MIGA2: variants seen among roughly 807,000 people sequenced by gnomAD.
MIGA2 encodes the protein mitoguardin 2, also known as family with sequence similarity 73, member B.
MIGA2 carries 36 observed loss-of-function variants against 69.9 expected under a neutral mutation model. The ratio of observed to expected loss-of-function variants is 0.52; its 90% confidence interval spans 0.39 to 0.68. The LOEUF is 0.68. Among genes scored for constraint, MIGA2 ranks in the 30% least tolerant of loss-of-function variants. The pLI, the probability that MIGA2 is intolerant of heterozygous loss-of-function variation, is 0.00. For synonymous variants in MIGA2, 333 were observed against 349.2 expected, an observed-to-expected ratio of 0.95 and a Z score of 0.52; for missense variants, 660 against 787.7, an observed-to-expected ratio of 0.84 and a Z score of 1.94.
intron 6 of MIGA2, among the ~76,000 whole-genome samples, chr9:129,056,615 T>C (rs1588396074): frequency 6.7e-6 from 1 of 150,260 alleles, no homozygotes; most frequent in Non-Finnish European, 1.5e-5. Context: ...ACTTCCTGGG[T>C]TCAAGCGATT....
intron 6 of MIGA2, chr9:129,051,280 ATTTATTTT>A (rs1845520220): frequency 1.7e-5 from 3 of 174,720 alleles, no homozygotes; most frequent in African/African-American, 8.1e-5. Flanking sequence ...TTATTTATTT[ATTTATTTT>A]TTTTTTTGGA....
At position 129,069,271 on chromosome 9, in the gene MIGA2, T is replaced by G. The variant is rs748751812; in HGVS notation, c.1458+142T>G. ...GGCCCCCTTGTTCCGCCGTTACCTC[T>G]CCCTGTGCCAGGAGCTCCCTGGAGG... On this transcript the variant is annotated intron_variant, in intron 14 of 15. Coordinates refer to ENST00000684074, the MANE Select transcript of MIGA2 (RefSeq NM_001329990.2). The surrounding 1 kb of genome is among the most constrained non-coding windows in gnomAD (Gnocchi z 4.9). The G allele has an allele frequency of 1.9e-6, 2 of 1,054,448 alleles. No homozygotes were observed. The highest frequency in any genetic ancestry group is 2.9e-6 in the Non-Finnish European group (2 of 699,932). The allele number at this position is 1,054,448 out of a possible 1,614,324, so 65.3% of individuals were successfully genotyped here. A position where few individuals can be genotyped will look rare whatever the true frequency, so the allele number is the denominator to read the frequency against.
chr9:129,061,854 A>G lies in MIGA2; in HGVS notation c.1010+508A>G, dbSNP rs1445202523. Among the ~76,000 whole-genome samples, 1 of 152,202 alleles carries G rather than the reference A, an allele frequency of 6.6e-6. No homozygotes were observed. The highest frequency in any genetic ancestry group is 1.5e-5 in the Non-Finnish European group (1 of 68,034). Reference sequence around the variant, plus strand: ...AGGTACCCAGGCTGTGGGGACAGACAGGCCCAGACTCCAAGTTCTGCCACC... The same window carrying G: ...AGGTACCCAGGCTGTGGGGACAGACGGGCCCAGACTCCAAGTTCTGCCACC... On this transcript the variant is annotated intron_variant, in intron 9 of 15. Coordinates refer to ENST00000684074, the MANE Select transcript of MIGA2 (RefSeq NM_001329990.2). The surrounding 1 kb of genome is among the most constrained non-coding windows in gnomAD (Gnocchi z 5.0).
chr9:129,046,055 A>G (rs975571737), intron 3 of MIGA2, among the ~76,000 whole-genome samples: 1 of 152,016 alleles, frequency 6.6e-6, no homozygotes, highest in East Asian at 1.9e-4. Context: ...GGGTTTCACC[A>G]TATTGGCCAG....
intron 3 of MIGA2, among the ~76,000 whole-genome samples, chr9:129,044,657 A>G (rs2131346829): frequency 6.6e-6 from 1 of 151,896 alleles, no homozygotes; most frequent in Non-Finnish European, 1.5e-5. Flanking sequence ...GGTTTAAGCG[A>G]TTCTCCTGCC....
In MIGA2 at chr9:129,059,339, C is replaced by T. The variant is rs555832797; in HGVS notation, c.793+68C>T. 1.3e-5 allele frequency: 17 copies of T among 1,284,624 alleles called. No homozygotes were observed. The highest frequency in any genetic ancestry group is 1.0e-4 in the African/African-American group (7 of 67,890). 79.6% of individuals were successfully genotyped at this position (1,284,624 alleles called of 1,614,324 possible). ...CAGGGATGGAGGTGAGGAGAAGTTG[C>T]GAGAACCGGGTCGTGGTTCTCTCAG... On this transcript the variant is annotated intron_variant, in intron 7 of 15. Transcript: ENST00000684074. This position sits in a 1 kb window ranked among gnomAD's most constrained non-coding sequence, Gnocchi z 5.6.
chr9:129,052,072 C>T (rs1003602405), intron 6 of MIGA2, among the ~76,000 whole-genome samples: 12 of 152,076 alleles, frequency 7.9e-5, no homozygotes, highest in South Asian at 2.1e-4. Context: ...GTGATCCGCC[C>T]GCCTCGGCCT....
rs1223004531 is a variant in MIGA2, at chr9:129,059,488, G to A, written c.793+217G>A. ...CAGGCTGGAGCAGAGCTGAGGTGAGGCCCAGAATCCCCAGCAAGTGCACCT... is the reference window on the plus strand; with the variant it reads ...CAGGCTGGAGCAGAGCTGAGGTGAGACCCAGAATCCCCAGCAAGTGCACCT... On this transcript the variant is annotated intron_variant, in intron 7 of 15. Transcript: ENST00000684074. This position sits in a 1 kb window ranked among gnomAD's most constrained non-coding sequence, Gnocchi z 5.6. 6.6e-6 allele frequency among the ~76,000 whole-genome samples: 1 copy of A among 152,178 alleles called. No homozygotes were observed. Among genetic ancestry groups the A allele is most frequent in the Non-Finnish European group, 1.5e-5 (1 of 68,028 alleles).
intron 6 of MIGA2, among the ~76,000 whole-genome samples, chr9:129,055,559 T>C (rs1363104776): frequency 2.0e-5 from 3 of 152,114 alleles, no homozygotes; most frequent in Non-Finnish European, 4.4e-5. Flanking sequence ...TTGAAAAATA[T>C]CTGGCCAGGG....
In MIGA2 at chr9:129,061,668, C is replaced by G. The variant is rs1846074773; in HGVS notation, c.1010+322C>G. ...CACTGAAAAAAAAATTGGAATGATACAGAGAAGATGAACGTGGTCCCGGCA... is the reference window on the plus strand; with the variant it reads ...CACTGAAAAAAAAATTGGAATGATAGAGAGAAGATGAACGTGGTCCCGGCA... On this transcript the variant is annotated intron_variant, in intron 9 of 15. Transcript: ENST00000684074. This position sits in a 1 kb window ranked among gnomAD's most constrained non-coding sequence, Gnocchi z 5.0. Among the ~76,000 whole-genome samples the G allele has an allele frequency of 4.6e-5, 7 of 152,182 alleles. No homozygotes were observed.
At chr9:129,064,930 G>C (rs531098792) in intron 11 of MIGA2, among the ~76,000 whole-genome samples, 2 of 151,978 alleles carry the variant, frequency 1.3e-5, no homozygotes, top group African/African-American at 4.8e-5. Context: ...TTACAGGCAT[G>C]TGTCACCGCG....
In MIGA2 at chr9:129,070,761, C is replaced by T. The variant is rs1846638029; in HGVS notation, c.*308C>T. On this transcript the variant is annotated 3_prime_UTR_variant, in exon 16 of 16. Transcript: ENST00000684074. ...CCCAAAACCTCCCATCGCTCCAGGG[C>T]TGCTGACAAGGGTGCTGGGAGGGTG... 5 of 419,220 alleles carry T rather than the reference C, an allele frequency of 1.2e-5. No homozygotes were observed. The highest frequency in any genetic ancestry group is 2.2e-5 in the Non-Finnish European group (5 of 230,288). The allele number at this position is 419,220 out of a possible 1,614,324, so 26.0% of individuals were successfully genotyped here. A position where few individuals can be genotyped will look rare whatever the true frequency, so the allele number is the denominator to read the frequency against.
At chr9:129,037,009 G>A in intron 1 of MIGA2, 3 of 1,002,766 alleles carry the variant, frequency 3.0e-6, no homozygotes, top group Non-Finnish European at 3.6e-6. Context: ...GCGCCAGAGG[G>A]TACCTGGGTG....
chr9:129,051,253 A>ATTAT (rs752763430), intron 6 of MIGA2: 4,741 of 173,056 alleles, frequency 0.027, 209 homozygotes, highest in African/African-American at 0.1. Context: ...TCAACAGTGA[A>ATTAT]TTATTTATTT....
chr9:129,052,257 G>T (rs1845586925), intron 6 of MIGA2, among the ~76,000 whole-genome samples: 1 of 152,176 alleles, frequency 6.6e-6, no homozygotes, highest in South Asian at 2.1e-4. Context: ...TGAGAAGCCA[G>T]AGTCAGAGGT....
At position 129,060,517 on chromosome 9, in the gene MIGA2, CT is replaced by C; in HGVS notation, c.794-32del. 2.0e-6 allele frequency: 3 copies of C among 1,532,434 alleles called. No homozygotes were observed. The highest frequency in any genetic ancestry group is 2.7e-6 in the Non-Finnish European group (3 of 1,127,858). 94.9% of individuals were successfully genotyped at this position (1,532,434 alleles called of 1,614,324 possible). A position where few individuals can be genotyped will look rare whatever the true frequency, so the allele number is the denominator to read the frequency against. On this transcript the variant is annotated intron_variant, in intron 7 of 15. Coordinates refer to ENST00000684074, the MANE Select transcript of MIGA2 (RefSeq NM_001329990.2). The surrounding 1 kb of genome is among the most constrained non-coding windows in gnomAD (Gnocchi z 4.8). ...TCCAGCTGAGCACTGTGTGGGGAGT[CT>C]CAGCCCCGCTTTCTCTCACTGCTCT...
intron 4 of MIGA2, 107 bp downstream of exon 4, chr9:129,048,646 T>C (rs1312428457): frequency 3.7e-6 from 3 of 821,556 alleles, no homozygotes; most frequent in Non-Finnish European, 6.0e-6. Context: ...TCATTCATTC[T>C]CTCTCTCACT....
rs1207756070 is a variant in MIGA2 at position 129,069,159 on chromosome 9, G to A, written c.1458+30G>A. 4 of 1,613,224 alleles carry A rather than the reference G, an allele frequency of 2.5e-6. No individual in the cohort carries two copies. The highest frequency in any genetic ancestry group is 1.6e-4 in the Middle Eastern group (1 of 6,062). ...GTGACTGGCAGGCCCGGGGGAGCAC[G>A]AGCTGGGCTCTGAGGCAGCGTGGTG... On this transcript the variant is annotated intron_variant, in intron 14 of 15. Coordinates refer to ENST00000684074, the MANE Select transcript of MIGA2 (RefSeq NM_001329990.2). This position sits in a 1 kb window ranked among gnomAD's most constrained non-coding sequence, Gnocchi z 4.9.
Position 129,068,178 on chromosome 9 carries a change from C to G in MIGA2, c.1270-20C>G, listed in dbSNP as rs775302678. ...CGGCAGTGCCCCCATGCATGAGCCT[C>G]CCGGGGGCACCCTCTGTAGGTGGTA... On this transcript the variant is annotated intron_variant, in intron 12 of 15. Transcript: ENST00000684074. This position sits in a 1 kb window ranked among gnomAD's most constrained non-coding sequence, Gnocchi z 4.1. The G allele has an allele frequency of 6.2e-7, 1 of 1,613,680 alleles. No homozygotes were observed. Among genetic ancestry groups the G allele is most frequent in the Non-Finnish European group, 8.5e-7 (1 of 1,180,010 alleles).
Sources: allele counts gnomAD v4.1 joint callset (sites outside exome capture counted in the v4.1 genomes callset), GRCh38; gene constraint gnomAD v4.1.1; non-coding constraint Gnocchi (gnomAD v3.1); transcripts MANE v1.5; gene names NCBI Gene and HGNC (gene_info 2026-07-23, HGNC 2026-07-21).